The following FGF12 variants were observed in gnomAD, a reference collection of about 807,000 sequenced individuals.
FGF12 encodes the protein fibroblast growth factor 12.
A neutral mutation model predicts 23.6 loss-of-function variants in FGF12; 14 were observed. The observed-to-expected ratio is 0.59, with a 90% CI of 0.39 to 0.93. The LOEUF (loss-of-function observed/expected upper bound fraction) is 0.93. FGF12 is among the 40% of genes least tolerant of loss of function. The pLI, the probability that FGF12 is intolerant of heterozygous loss-of-function variation, is 0.00. For missense variants in FGF12, 175 were observed against 217.8 expected, an observed-to-expected ratio of 0.80 and a Z score of 1.24; for synonymous variants, 62 against 77.3, an observed-to-expected ratio of 0.80 and a Z score of 1.04.
intron 2 of FGF12, among the ~76,000 whole-genome samples, chr3:192,392,613 AGAG>A: frequency 8.7e-6 from 1 of 115,054 alleles, no homozygotes; most frequent in African/African-American, 3.3e-5. Context: ...AGAGAGAGAG[AGAG>A]AGAGAGAGAG....
chr3:192,334,617 T>C (rs73068507), intron 4 of FGF12, among the ~76,000 whole-genome samples: 2,756 of 152,254 alleles, frequency 0.018, 71 homozygotes, highest in African/African-American at 0.051. Flanking sequence ...TAATTGTGTT[T>C]GCTACTTTAA....
At chr3:192,685,494 T>C (rs1332549374) in intron 2 of FGF12, among the ~76,000 whole-genome samples, 2 of 152,232 alleles carry the variant, frequency 1.3e-5, no homozygotes, top group East Asian at 3.8e-4. Flanking sequence ...CCAGTTCCTG[T>C]TCTCCAAGAG....
At position 192,371,654 on chromosome 3, in the gene FGF12, C is replaced by T. The variant is rs1719237135; in HGVS notation, c.14-11116G>A. Among the ~76,000 whole-genome samples, 3 of 152,130 alleles carry T rather than the reference C, an allele frequency of 2.0e-5. No homozygotes were observed. In the South Asian group the frequency reaches 6.2e-4, roughly 32 times the overall value. On this transcript the variant is annotated intron_variant, in intron 2 of 5. Transcript: ENST00000445105. ...GAGGTTCATTCACAGAAAGGAAATGCCAAGCAGTTAACAAATGCCAGGCAC... is the reference window on the plus strand; with the variant it reads ...GAGGTTCATTCACAGAAAGGAAATGTCAAGCAGTTAACAAATGCCAGGCAC...
At chr3:192,146,778 T>G (rs966484972) in intron 5 of FGF12, among the ~76,000 whole-genome samples, 1 of 152,208 alleles carries the variant, frequency 6.6e-6, no homozygotes, top group African/African-American at 2.4e-5. Flanking sequence ...GCAGATAACT[T>G]TTCCAGTAAT....
intron 2 of FGF12, among the ~76,000 whole-genome samples, chr3:192,421,225 G>C (rs1036307755): frequency 1.3e-5 from 2 of 152,132 alleles, no homozygotes; most frequent in African/African-American, 2.4e-5. Context: ...CTTAACCTCT[G>C]TACATCAATT....
intron 5 of FGF12, among the ~76,000 whole-genome samples, chr3:192,154,805 A>T (rs1400317422): frequency 1.4e-5 from 2 of 146,670 alleles, no homozygotes; most frequent in Admixed American, 6.8e-5. Flanking sequence ...GAGCCTACAG[A>T]GGCAGGCAGG....
intron 2 of FGF12, among the ~76,000 whole-genome samples, chr3:192,715,065 T>TGC: frequency 6.6e-6 from 1 of 152,114 alleles, no homozygotes; most frequent in South Asian, 2.1e-4. Context: ...TGTACGTATA[T>TGC]CTTGCTTTGC....
chr3:192,567,305 T>C (rs1454458515), intron 2 of FGF12, among the ~76,000 whole-genome samples: 1 of 152,058 alleles, frequency 6.6e-6, no homozygotes, highest in Non-Finnish European at 1.5e-5. Flanking sequence ...GAACTGGGAA[T>C]TTTTTAAGGG....
intron 4 of FGF12, among the ~76,000 whole-genome samples, chr3:192,325,765 T>G (rs1716786464): frequency 6.6e-6 from 1 of 152,182 alleles, no homozygotes; most frequent in Non-Finnish European, 1.5e-5. Context: ...ATGGCTAATC[T>G]TTACCTCTCC....
At chr3:192,334,852 A>G (rs892344479) in intron 4 of FGF12, among the ~76,000 whole-genome samples, 1 of 152,170 alleles carries the variant, frequency 6.6e-6, no homozygotes, top group Non-Finnish European at 1.5e-5. Context: ...CCATAAATTC[A>G]TATTGCCTTT....
At chr3:192,448,607 T>C (rs1722430983) in intron 2 of FGF12, among the ~76,000 whole-genome samples, 1 of 152,192 alleles carries the variant, frequency 6.6e-6, no homozygotes, top group South Asian at 2.1e-4. Flanking sequence ...AATTCTAAGT[T>C]AGAGGCACAG....
chr3:192,636,855 A>G (rs891835777), intron 2 of FGF12, among the ~76,000 whole-genome samples: 2 of 152,218 alleles, frequency 1.3e-5, no homozygotes, highest in African/African-American at 4.8e-5. Flanking sequence ...ACAAGGATAC[A>G]GTCAGTGTGG....
intron 2 of FGF12, among the ~76,000 whole-genome samples, chr3:192,384,369 G>GA (rs1719952783): frequency 6.6e-6 from 1 of 152,192 alleles, no homozygotes; most frequent in African/African-American, 2.4e-5. Flanking sequence ...ATATTAAATT[G>GA]AAAACAGCAA....
At chr3:192,517,983 TAGCC>T (rs1724721499) in intron 2 of FGF12, among the ~76,000 whole-genome samples, 1 of 152,000 alleles carries the variant, frequency 6.6e-6, no homozygotes, top group Admixed American at 6.6e-5. Context: ...ACAAAAAAAA[TAGCC>T]AGGAGCACAT....
chr3:192,722,723 T>C (rs1245207068), intron 2 of FGF12, among the ~76,000 whole-genome samples: 1 of 152,170 alleles, frequency 6.6e-6, no homozygotes, highest in Non-Finnish European at 1.5e-5. Flanking sequence ...ATCCCTACTA[T>C]GCAAACTTAA....
intron 2 of FGF12, among the ~76,000 whole-genome samples, chr3:192,477,479 A>C (rs956085660): frequency 5.3e-5 from 8 of 152,240 alleles, no homozygotes; most frequent in African/African-American, 1.9e-4. Context: ...GTATTAAGAT[A>C]AATGAAGAAT....
intron 4 of FGF12, among the ~76,000 whole-genome samples, chr3:192,298,326 A>G (rs1446495557): frequency 1.3e-5 from 2 of 152,250 alleles, no homozygotes; most frequent in Non-Finnish European, 2.9e-5. Flanking sequence ...GAAGATGATT[A>G]AAGACAACAA....
intron 2 of FGF12, among the ~76,000 whole-genome samples, chr3:192,529,928 G>T (rs747283663): frequency 6.6e-6 from 1 of 151,612 alleles, no homozygotes; most frequent in South Asian, 2.1e-4. Flanking sequence ...TATCAGTGAG[G>T]TGCATGAGAA....
intron 4 of FGF12, among the ~76,000 whole-genome samples, chr3:192,233,797 G>C (rs956986243): frequency 2.6e-5 from 4 of 152,134 alleles, no homozygotes; most frequent in African/African-American, 4.8e-5. Context: ...TTACTGAATA[G>C]GGAGTCCTTT....
Sources: allele counts gnomAD v4.1 joint callset (sites outside exome capture counted in the v4.1 genomes callset), GRCh38; gene constraint gnomAD v4.1.1; transcripts MANE v1.5; gene names NCBI Gene and HGNC (gene_info 2026-07-23, HGNC 2026-07-21).